Variants in PAK1 observed in about 807,000 individuals in gnomAD.
PAK1 encodes p21 (RAC1) activated kinase 1, also known as serine/threonine-protein kinase PAK 1.
PAK1 carries 29 observed loss-of-function variants against 67.4 expected under a neutral mutation model. The observed-to-expected ratio is 0.43, with a 90% confidence interval of 0.32 to 0.59. The LOEUF (loss-of-function observed/expected upper bound fraction) is 0.59, where lower values mean the gene tolerates loss of function less well. Among genes scored for constraint, PAK1 ranks in the 20% least tolerant of loss-of-function variants. PAK1 has a pLI of 0.07. For missense variants in PAK1, 337 were observed against 670.7 expected (o/e 0.50, Z 5.50); for synonymous variants, 223 against 237.4 (o/e 0.94, Z 0.56).
chr11:77,411,605 T>C (rs1198695940), intron 1 of PAK1, among the ~76,000 whole-genome samples: 1 of 152,106 alleles, frequency 6.6e-6, no homozygotes, highest in African/African-American at 2.4e-5. Context: ...TGGGCTCATC[T>C]AAAGGTTCCA....
At chr11:77,382,372 A>AC (rs1297746773) in intron 2 of PAK1, among the ~76,000 whole-genome samples, 1 of 151,940 alleles carries the variant, frequency 6.6e-6, no homozygotes, top group Admixed American at 6.6e-5. Context: ...ACATATTCCC[A>AC]CCTCCAACTT....
chr11:77,351,646 C>G (rs953615434), intron 8 of PAK1, among the ~76,000 whole-genome samples: 3 of 151,276 alleles, frequency 2.0e-5, no homozygotes, highest in Non-Finnish European at 4.4e-5. Context: ...GAGGATTAAA[C>G]AATAAATGCA....
chr11:77,488,399 A>C, the PAK1 span, among the ~76,000 whole-genome samples: 3,925 of 152,274 alleles, frequency 0.026, 164 homozygotes, highest in African/African-American at 0.089. Context: ...GGACATCCAC[A>C]AGCATCAAGA....
At chr11:77,348,874 A>T (rs1206182459) in intron 9 of PAK1, among the ~76,000 whole-genome samples, 1 of 152,162 alleles carries the variant, frequency 6.6e-6, no homozygotes, top group Non-Finnish European at 1.5e-5. Flanking sequence ...CTGTAATCCT[A>T]GCCCTTTGGG....
At chr11:77,394,884 T>C (rs1219457086) in intron 1 of PAK1, among the ~76,000 whole-genome samples, 2 of 152,124 alleles carry the variant, frequency 1.3e-5, no homozygotes, top group Admixed American at 6.5e-5. Flanking sequence ...TTCATTGACA[T>C]CTCAGGATAA....
intron 1 of PAK1, among the ~76,000 whole-genome samples, chr11:77,407,761 GAA>G: frequency 6.6e-6 from 1 of 152,178 alleles, no homozygotes; most frequent in African/African-American, 2.4e-5. Context: ...GGAAAGGAAG[GAA>G]GAGATCAAAT....
At chr11:77,395,493 C>T (rs919904137) in intron 1 of PAK1, among the ~76,000 whole-genome samples, 18 of 152,234 alleles carry the variant, frequency 1.2e-4, no homozygotes, top group African/African-American at 3.4e-4. Context: ...ATCAACCTGC[C>T]TTATCAACTA....
chr11:77,395,950 A>G (rs947862851), intron 1 of PAK1, among the ~76,000 whole-genome samples: 2 of 151,616 alleles, frequency 1.3e-5, no homozygotes, highest in African/African-American at 2.4e-5. Flanking sequence ...GTACCTTCCC[A>G]CTCCAGGCTG....
At chr11:77,407,352 C>T (rs1196355893) in intron 1 of PAK1, among the ~76,000 whole-genome samples, 3 of 152,120 alleles carry the variant, frequency 2.0e-5, no homozygotes, top group African/African-American at 7.2e-5. Flanking sequence ...CCCTATCTAC[C>T]CCACTCCTTT....
intron 10 of PAK1, among the ~76,000 whole-genome samples, chr11:77,342,800 T>C (rs965911302): frequency 6.6e-6 from 1 of 151,538 alleles, no homozygotes; most frequent in Non-Finnish European, 1.5e-5. Context: ...TCATGCAATA[T>C]AAGAGGTAAA....
chr11:77,361,315 C>T (rs1050963898), intron 5 of PAK1, among the ~76,000 whole-genome samples: 1 of 152,140 alleles, frequency 6.6e-6, no homozygotes, highest in African/African-American at 2.4e-5. Context: ...AAGGATATTC[C>T]TAGCAGATGG....
chr11:77,415,667 C>T (rs1224612971), intron 1 of PAK1, among the ~76,000 whole-genome samples: 2 of 151,336 alleles, frequency 1.3e-5, no homozygotes, highest in South Asian at 2.1e-4. Flanking sequence ...ATGGAACTTG[C>T]AGGACTGGAA....
intron 14 of PAK1, among the ~76,000 whole-genome samples, chr11:77,326,779 T>C (rs1940010086): frequency 6.6e-6 from 1 of 152,066 alleles, no homozygotes; most frequent in Non-Finnish European, 1.5e-5. Flanking sequence ...GGAACAAAGC[T>C]GGATGGAGAA....
chr11:77,377,054 A>AGGT (rs1592070963), intron 4 of PAK1, among the ~76,000 whole-genome samples: 1 of 152,062 alleles, frequency 6.6e-6, no homozygotes. Context: ...CAAGGTGAGC[A>AGGT]GGTCACTTGA....
intron 1 of PAK1, among the ~76,000 whole-genome samples, chr11:77,409,331 G>A (rs1282439845): frequency 6.6e-6 from 1 of 152,038 alleles, no homozygotes; most frequent in East Asian, 1.9e-4. Flanking sequence ...GGAGAAAGAG[G>A]AACCCTCATA....
chr11:77,334,641 C>A (rs1010839251), intron 13 of PAK1, among the ~76,000 whole-genome samples: 10 of 152,176 alleles, frequency 6.6e-5, no homozygotes, highest in Admixed American at 6.5e-4. Context: ...GATCGAACCC[C>A]TCTCATCGAC....
chr11:77,413,161 T>C (rs1251284622), intron 1 of PAK1, among the ~76,000 whole-genome samples: 2 of 152,232 alleles, frequency 1.3e-5, no homozygotes, highest in South Asian at 4.1e-4. Context: ...TTCCAAGTTT[T>C]AGCAGTGGGA....
chr11:77,378,714 A>G (rs564181918), intron 4 of PAK1, among the ~76,000 whole-genome samples: 4 of 152,144 alleles, frequency 2.6e-5, no homozygotes, highest in Non-Finnish European at 4.4e-5. Context: ...CAGCTTCCCA[A>G]GTAGCTGGGA....
intron 1 of PAK1, among the ~76,000 whole-genome samples, chr11:77,432,731 CA>C (rs542585512): frequency 1.1e-4 from 16 of 145,756 alleles, no homozygotes; most frequent in Admixed American, 1.4e-4. Context: ...GAATCAACAC[CA>C]AAAAAAAAAT....
Sources: allele counts gnomAD v4.1 joint callset (sites outside exome capture counted in the v4.1 genomes callset), GRCh38; gene constraint gnomAD v4.1.1; transcripts MANE v1.5; gene names NCBI Gene and HGNC (gene_info 2026-07-23, HGNC 2026-07-21).